PSD3: variants seen among roughly 807,000 people sequenced by gnomAD.
PSD3 encodes PH and SEC7 domain-containing protein 3.
Under a neutral mutation model 105.5 loss-of-function variants are expected in PSD3, and 49 were observed. The observed-to-expected ratio is 0.46, with a 90% confidence interval of 0.37 to 0.59. The LOEUF is 0.59. Ranked by LOEUF, PSD3 falls within the 20% of genes least tolerant of loss-of-function variation. The probability of loss-of-function intolerance (pLI) is 0.00; values close to 1 mark genes in which losing one functional copy is unlikely to be tolerated. For missense variants in PSD3, 1,561 were observed against 1,263.8 expected, an observed-to-expected ratio of 1.24 and a Z score of -3.57; for synonymous variants, 557 against 457.8, an observed-to-expected ratio of 1.22 and a Z score of -2.77.
rs35540651 is a variant in PSD3 at position 19,035,759 on chromosome 8, G to T, written c.324+48447C>A. Among the ~76,000 whole-genome samples the T allele has an allele frequency of 5.5e-3, 837 of 151,550 alleles. 2 individuals carry two copies. The highest frequency in any genetic ancestry group is 8.8e-3 in the Non-Finnish European group (597 of 67,870). On this transcript the variant is annotated intron_variant, in intron 1 of 1. Coordinates refer to the PSD3 transcript ENST00000521475. ...AATGAAAACAGGTATACTTTTTTTG[G>T]GGGGGGTGTGGGGGTGACTGGATTT...
chr8:18,833,267 G>A (rs1014189499), intron 4 of PSD3, among the ~76,000 whole-genome samples: 1 of 152,164 alleles, frequency 6.6e-6, no homozygotes, highest in African/African-American at 2.4e-5. Flanking sequence ...CTTGTGGGAC[G>A]GAGGTGAGAC....
Position 18,987,299 on chromosome 8 carries a change from T to TA in PSD3, c.21+26263_21+26264insT, listed in dbSNP as rs1266158437. On this transcript the variant is annotated intron_variant, in intron 1 of 15. Coordinates refer to ENST00000327040, the MANE Select transcript of PSD3 (RefSeq NM_015310.4). ...TTTTTTATTTTTTTTTTTATATATATTTTTTTAAGACGGAGTCTCGCACTT... is the reference window on the plus strand; with the variant it reads ...TTTTTTATTTTTTTTTTTATATATATATTTTTTAAGACGGAGTCTCGCACTT... Among the ~76,000 whole-genome samples the TA allele has an allele frequency of 1.8e-4, 27 of 151,120 alleles. 1 individual carries two copies. Among genetic ancestry groups the TA allele is most frequent in the Middle Eastern group, 3.2e-3 (1 of 316 alleles).
intron 9 of PSD3, among the ~76,000 whole-genome samples, chr8:18,666,753 C>T (rs1799491034): frequency 6.6e-6 from 1 of 151,114 alleles, no homozygotes; most frequent in Non-Finnish European, 1.5e-5. Flanking sequence ...GCTGGAAGCA[C>T]ACATTATTCA....
intron 9 of PSD3, among the ~76,000 whole-genome samples, chr8:18,709,064 T>C (rs1482968201): frequency 6.6e-6 from 1 of 152,048 alleles, no homozygotes; most frequent in Admixed American, 6.5e-5. Flanking sequence ...GCTGCTCGGG[T>C]TGTGGACAGC....
chr8:18,579,203 T>C (rs778837436), intron 12 of PSD3, among the ~76,000 whole-genome samples: 2 of 151,768 alleles, frequency 1.3e-5, no homozygotes, highest in African/African-American at 2.4e-5. Context: ...GACTTTATCC[T>C]ACTAAGTTCA....
At chr8:18,612,166 T>A (rs1390443136) in intron 11 of PSD3, among the ~76,000 whole-genome samples, 1 of 152,096 alleles carries the variant, frequency 6.6e-6, no homozygotes, top group Non-Finnish European at 1.5e-5. Flanking sequence ...TTTCTTTGTT[T>A]CTGCCCATAT....
At chr8:18,542,508 G>C (rs1800209161) in intron 15 of PSD3, among the ~76,000 whole-genome samples, 1 of 152,152 alleles carries the variant, frequency 6.6e-6, no homozygotes, top group Non-Finnish European at 1.5e-5. Context: ...TTTATAGCCA[G>C]ATGGTAGAAA....
intron 10 of PSD3, among the ~76,000 whole-genome samples, chr8:18,644,425 G>T (rs990617204): frequency 2.0e-5 from 3 of 152,056 alleles, no homozygotes; most frequent in Non-Finnish European, 4.4e-5. Context: ...TAAAGCCCTT[G>T]GACAAGAATA....
intron 9 of PSD3, among the ~76,000 whole-genome samples, chr8:18,675,800 A>G (rs543603412): frequency 4.4e-4 from 67 of 152,346 alleles, no homozygotes; most frequent in African/African-American, 1.6e-3. Context: ...TCATAAATTA[A>G]TATCATAAAT....
chr8:18,554,199 G>A (rs551653154), intron 15 of PSD3, among the ~76,000 whole-genome samples: 47 of 152,300 alleles, frequency 3.1e-4, no homozygotes, highest in African/African-American at 1.1e-3. Context: ...GCGAGGTGCT[G>A]AGTGCTGGAA....
intron 1 of PSD3, among the ~76,000 whole-genome samples, chr8:18,953,965 C>T (rs1316484800): frequency 6.6e-6 from 1 of 151,984 alleles, no homozygotes; most frequent in Non-Finnish European, 1.5e-5. Flanking sequence ...AGTACAAGTA[C>T]AAACTGCAGG....
chr8:19,080,005 T>C (rs1193227726), intron 1 of PSD3, among the ~76,000 whole-genome samples: 1 of 151,414 alleles, frequency 6.6e-6, no homozygotes, highest in Admixed American at 6.6e-5. Flanking sequence ...TTCTCCTGCC[T>C]TAGACTCCCC....
chr8:18,663,216 C>T (rs1328433308), intron 9 of PSD3, among the ~76,000 whole-genome samples: 1 of 152,040 alleles, frequency 6.6e-6, no homozygotes, highest in Non-Finnish European at 1.5e-5. Context: ...CACTTGAGCC[C>T]AGGAGTTCGA....
intron 9 of PSD3, among the ~76,000 whole-genome samples, chr8:18,744,087 AT>A (rs1175390282): frequency 6.6e-6 from 1 of 152,058 alleles, no homozygotes; most frequent in Non-Finnish European, 1.5e-5. Context: ...TTTAACATAA[AT>A]GGTATCATTC....
At position 18,694,610 on chromosome 8, in the gene PSD3, C is replaced by T. The variant is rs575419954; in HGVS notation, c.2173-38925G>A. ...GGGCAACAGAGTGAGACTGCATCTC[C>T]GAAAAAAAAAAAAAAAGTGAAGTTC... On this transcript the variant is annotated intron_variant, in intron 9 of 15. Coordinates refer to ENST00000327040, the MANE Select transcript of PSD3 (RefSeq NM_015310.4). 4.5e-3 allele frequency among the ~76,000 whole-genome samples: 125 copies of T among 27,788 alleles called. 1 individual carries two copies. The highest frequency in any genetic ancestry group is 0.019 in the African/African-American group (117 of 6,254). 18.2% of individuals were successfully genotyped at this position (27,788 alleles called of 152,430 possible). A position where few individuals can be genotyped will look rare whatever the true frequency, so the allele number is the denominator to read the frequency against.
chr8:19,010,351 C>A (rs1300838076), intron 1 of PSD3, among the ~76,000 whole-genome samples: 1 of 152,144 alleles, frequency 6.6e-6, no homozygotes, highest in Non-Finnish European at 1.5e-5. Context: ...ACCTTCTGGG[C>A]GCAGTGAAAA....
intron 1 of PSD3, among the ~76,000 whole-genome samples, chr8:18,941,209 T>C (rs1586484104): frequency 6.6e-6 from 1 of 152,250 alleles, no homozygotes; most frequent in African/African-American, 2.4e-5. Flanking sequence ...TTAAGAAGTA[T>C]GGAACATGAA....
chr8:18,901,473 G>A (rs1819498930), intron 2 of PSD3, among the ~76,000 whole-genome samples: 1 of 152,120 alleles, frequency 6.6e-6, no homozygotes, highest in South Asian at 2.1e-4. Context: ...TTGTTAATTT[G>A]TTTTTGAAGT....
intron 14 of PSD3, among the ~76,000 whole-genome samples, chr8:18,571,049 C>A (rs1157434191): frequency 6.6e-6 from 1 of 151,906 alleles, no homozygotes; most frequent in Admixed American, 6.6e-5. Context: ...TTACTAGAGA[C>A]AGGGTTTTAC....
Sources: gnomAD v4.1 joint callset for allele counts (sites outside exome capture counted in the v4.1 genomes callset) on GRCh38, gnomAD v4.1.1 for gene constraint, MANE v1.5 for transcripts, NCBI Gene and HGNC (gene_info 2026-07-23, HGNC 2026-07-21) for gene names.